The following CCDC144A variants were observed in gnomAD, a reference collection of about 807,000 sequenced individuals.
CCDC144A encodes coiled-coil domain containing 144A.
CCDC144A carries 41 observed loss-of-function variants against 143.8 expected under a neutral mutation model. The ratio of observed to expected loss-of-function variants is 0.29; its 90% CI spans 0.22 to 0.37. CCDC144A has a LOEUF of 0.37. CCDC144A is among the 10% of genes least tolerant of loss of function. The pLI, the probability that CCDC144A is intolerant of heterozygous loss-of-function variation, is 1.00. For synonymous variants in CCDC144A, 242 were observed against 517.9 expected, an observed-to-expected ratio of 0.47 and a Z score of 7.23; for missense variants, 637 against 1,488.8, an observed-to-expected ratio of 0.43 and a Z score of 9.41.
intron 11 of CCDC144A, 130 bp from the exon 12 acceptor site, chr17:16,734,560 G>C (rs971597308): frequency 1.5e-6 from 1 of 646,216 alleles, no homozygotes; most frequent in Non-Finnish European, 2.6e-6. Flanking sequence ...TTGAAGTTTC[G>C]ATAGAATATT....
the CCDC144A span, chr17:16,683,467 T>A: frequency 1.5e-6 from 2 of 1,338,800 alleles, no homozygotes; most frequent in Non-Finnish European, 2.1e-6. Context: ...GGCGGCAGAG[T>A]CGCCTTGGCC....
chr17:16,772,996 A>T (rs1363129042), intron 16 of CCDC144A, among the ~76,000 whole-genome samples: 2 of 152,264 alleles, frequency 1.3e-5, no homozygotes, highest in Non-Finnish European at 2.9e-5. Context: ...GTGATACACA[A>T]CCACAATGAT....
At chr17:16,707,722 G>C (rs2143110464) in intron 4 of CCDC144A, among the ~76,000 whole-genome samples, 180 bp downstream of exon 4, 1 of 152,168 alleles carries the variant, frequency 6.6e-6, no homozygotes, top group East Asian at 1.9e-4. Context: ...AATATTGTTA[G>C]AATCTATCAT....
the CCDC144A span, chr17:16,667,118 C>G: frequency 6.5e-6 from 1 of 154,858 alleles, no homozygotes; most frequent in South Asian, 1.8e-4. Context: ...GGCCAGGAGC[C>G]AGTGGCGGGA....
intron 12 of CCDC144A, among the ~76,000 whole-genome samples, chr17:16,753,022 T>C (rs1242830051): frequency 9.6e-5 from 11 of 115,146 alleles, no homozygotes; most frequent in African/African-American, 3.3e-4. Flanking sequence ...TTGGTGGGAG[T>C]GTGGTGCTGC....
intron 9 of CCDC144A, among the ~76,000 whole-genome samples, chr17:16,728,282 C>T: frequency 6.6e-6 from 1 of 152,216 alleles, no homozygotes; most frequent in East Asian, 1.9e-4. Context: ...AGCATTCCTT[C>T]TGCAAAATTG....
At chr17:16,684,221 A>G in the CCDC144A span, 4 of 917,250 alleles carry the variant, frequency 4.4e-6, no homozygotes, top group Non-Finnish European at 7.3e-6. Flanking sequence ...GGGGATGGAC[A>G]TTCAGTGGGC....
the CCDC144A span, among the ~76,000 whole-genome samples, chr17:16,680,667 CAGAG>C: frequency 2.9e-5 from 4 of 139,704 alleles, no homozygotes; most frequent in Admixed American, 7.4e-5. Flanking sequence ...GAGGGAGAGA[CAGAG>C]AGAGAGAGAA....
At chr17:16,773,371 C>T in intron 16 of CCDC144A, 126 bp from the exon 17 acceptor site, 2 of 1,302,082 alleles carry the variant, frequency 1.5e-6, no homozygotes, top group Non-Finnish European at 2.0e-6. Flanking sequence ...TTGCTTAAGC[C>T]TGGGAGGACA....
chr17:16,709,972 C>T (rs888731053), intron 5 of CCDC144A: 3 of 265,980 alleles, frequency 1.1e-5, no homozygotes, highest in South Asian at 4.4e-5. Flanking sequence ...TTCCTTTTAC[C>T]GACTTAAAGA....
At chr17:16,723,647 CCT>C (rs773394190) in intron 8 of CCDC144A, among the ~76,000 whole-genome samples, 9 of 152,030 alleles carry the variant, frequency 5.9e-5, no homozygotes, top group Admixed American at 2.6e-4. Context: ...CTTTTTTCCC[CCT>C]GTGTCCTCAC....
At chr17:16,711,136 G>GAAAAA (rs1210697273) in intron 5 of CCDC144A, among the ~76,000 whole-genome samples, 1,019 of 21,716 alleles carry the variant, frequency 0.047, 133 homozygotes, top group African/African-American at 0.1. Flanking sequence ...GGATTCAAAT[G>GAAAAA]AAAAAAAAAA....
the CCDC144A span, among the ~76,000 whole-genome samples, chr17:16,678,585 CTT>C: frequency 1.0e-4 from 14 of 136,816 alleles, no homozygotes; most frequent in Non-Finnish European, 1.6e-4. Flanking sequence ...TTTTTCTTTT[CTT>C]TTTTTTTTTT....
chr17:16,771,906 T>G (rs1915834795), intron 15 of CCDC144A, 71 bp from the exon 16 acceptor site: 1 of 1,280,148 alleles, frequency 7.8e-7, no homozygotes, highest in Admixed American at 2.3e-5. Flanking sequence ...AGGCCGCATT[T>G]TGTAATTAAT....
rs535006671 is a variant in CCDC144A at position 16,736,947 on chromosome 17, C to T, written c.3372+1304C>T. ...ACGTACCAAATTCTTTTTGAGACTT[C>T]AGTAGGTTGTTAAGCACTGCAGATG... is the stretch of plus-strand genomic sequence containing the variant. On this transcript the variant is annotated intron_variant, in intron 12 of 16. Transcript: ENST00000399273. Among the ~76,000 whole-genome samples, 282 of 152,202 alleles carry T rather than the reference C, an allele frequency of 1.9e-3. 2 individuals carry two copies. Among genetic ancestry groups the T allele is most frequent in the Admixed American group, 0.014 (213 of 15,304 alleles).
intron 15 of CCDC144A, among the ~76,000 whole-genome samples, chr17:16,770,194 G>T (rs1915772262): frequency 6.6e-6 from 1 of 152,042 alleles, no homozygotes; most frequent in Non-Finnish European, 1.5e-5. Context: ...CTGTCACCCA[G>T]GCTGGAGTGC....
chr17:16,728,585 A>T (rs112913694), intron 9 of CCDC144A, among the ~76,000 whole-genome samples: 32 of 152,186 alleles, frequency 2.1e-4, no homozygotes, highest in South Asian at 4.1e-4. Context: ...TTTTTGAAAA[A>T]TTTTTTTTAA....
chr17:16,737,162 C>A (rs1207352544), intron 12 of CCDC144A, among the ~76,000 whole-genome samples: 1 of 102,672 alleles, frequency 9.7e-6, no homozygotes. Flanking sequence ...AGAGTTAAAT[C>A]TTTTTTTTTT....
chr17:16,761,933 A>T (rs1915394283), intron 13 of CCDC144A, among the ~76,000 whole-genome samples: 1 of 152,266 alleles, frequency 6.6e-6, no homozygotes, highest in Admixed American at 6.5e-5. Flanking sequence ...TCACTAGAGA[A>T]TCATTTAATT....
Sources: allele counts gnomAD v4.1 joint callset (sites outside exome capture counted in the v4.1 genomes callset), GRCh38; gene constraint gnomAD v4.1.1; transcripts MANE v1.5; gene names NCBI Gene and HGNC (gene_info 2026-07-23, HGNC 2026-07-21).